Variants in BCAN observed in about 807,000 individuals in gnomAD.
BCAN encodes brevican core protein.
A neutral mutation model predicts 92.4 loss-of-function variants in BCAN; 51 were observed. The observed-to-expected ratio is 0.55, with a 90% CI of 0.44 to 0.70. The LOEUF (loss-of-function observed/expected upper bound fraction) is 0.70, where lower values mean the gene tolerates loss of function less well. Among genes scored for constraint, BCAN ranks in the 30% least tolerant of loss-of-function variants. The pLI, the probability that BCAN is intolerant of heterozygous loss-of-function variation, is 0.00. For missense variants in BCAN, 1,140 were observed against 1,212.1 expected (o/e 0.94, Z 0.88); for synonymous variants, 501 against 505.2 (o/e 0.99, Z 0.11).
chr1:156,657,647 C>T (rs749596852), intron 10 of BCAN, 28 bp from the exon 11 acceptor site: 4 of 1,580,638 alleles, frequency 2.5e-6, no homozygotes, highest in Middle Eastern at 1.7e-4. Flanking sequence ...CTGGCGGCTG[C>T]GCTCACTGCA....
At position 156,651,663 on chromosome 1, in the gene BCAN, C is replaced by A. The variant is rs532039779; in HGVS notation, c.1271C>A (p.Pro424Gln). The A allele has an allele frequency of 2.9e-5, 47 of 1,613,220 alleles. No individual in the cohort carries two copies. In the South Asian group the frequency reaches 4.5e-4, roughly 15 times the overall value. Residue 424 changes from proline to glutamine, a missense_variant, in exon 7 of 14, where the codon CCA becomes CAA. Physicochemically the swap from Pro to Gln is moderately conservative, Grantham distance 76. This residue lies in a region of BCAN where 825 missense variants were observed against 871.8 expected (regional missense o/e 0.95). Coordinates refer to ENST00000329117, the MANE Select transcript of BCAN (RefSeq NM_021948.5). ...GGTGGAAGCTCCACTCCAGAAGACC[C>A]AGCAGAGGCCCCTAGGACGCTCCTA... ...GGGGSSTPED[P>Q]AEAPRTLLEF...
rs774069703 is a variant in BCAN, at chr1:156,646,997, G to T, written c.288G>T (p.Val96=). Residue 96 remains valine (V), a synonymous_variant, in exon 3 of 14, where the codon GTG becomes GTT. Transcript: ENST00000329117. ...CAGAGGTGCTGGTGGCGCGGGGAGT[G>T]CGCGTCAAGGTGAACGAGGCCTACC... ...REAEVLVARG[V]RVKVNEAYRF... 6 of 1,613,024 alleles carry T rather than the reference G, an allele frequency of 3.7e-6. No individual in the cohort carries two copies. In the African/African-American group the frequency reaches 8.0e-5, roughly 21 times the overall value.
In BCAN at chr1:156,648,002, C is replaced by T. The variant is rs746533772; in HGVS notation, c.661C>T (p.Arg221Ter). The change falls in exon 5 of 14, where the codon CGA becomes TGA. Residue 221 changes from arginine to a stop codon, truncating the protein, a stop_gained. Coordinates refer to ENST00000329117, the MANE Select transcript of BCAN (RefSeq NM_021948.5). LOFTEE classifies it high-confidence loss of function. ...CCCTAGGTATCCCATCCAGACCCCA[C>T]GAGAGGCCTGTTACGGAGACATGGA... ...QTVRYPIQTPREACYGDMDGF... is the reference protein window; with the variant it reads ...QTVRYPIQTP The T allele has an allele frequency of 3.7e-6, 6 of 1,613,834 alleles. No homozygotes were observed. Among genetic ancestry groups the T allele is most frequent in the South Asian group, 1.1e-5 (1 of 91,084 alleles).
chr1:156,657,564 T>TG, intron 10 of BCAN, 111 bp from the exon 11 acceptor site: 6 of 803,100 alleles, frequency 7.5e-6, no homozygotes, highest in Non-Finnish European at 1.2e-5. Flanking sequence ...CAAGGGCGGG[T>TG]GCTGGATCGC....
rs1679021818 is a variant in BCAN at position 156,647,443 on chromosome 1, G to A, written c.467-65G>A. 3 of 1,447,138 alleles carry A rather than the reference G, an allele frequency of 2.1e-6. No individual in the cohort carries two copies. Among genetic ancestry groups the A allele is most frequent in the African/African-American group, 2.8e-5 (2 of 70,294 alleles). The allele number at this position is 1,447,138 out of a possible 1,614,324, so 89.6% of individuals were successfully genotyped here. On this transcript the variant is annotated intron_variant, in intron 3 of 13. Transcript: ENST00000329117. This position sits in a 1 kb window ranked among gnomAD's most constrained non-coding sequence, Gnocchi z 4.8. The stretch of plus-strand genomic sequence containing the variant: ...ACCCTTGTGTACAGAGGAGTGACAA[G>A]GAGGGTGAGGGGAGGCCAGCGTGCT...
chr1:156,643,116 C>G (rs1678844600), intron 1 of BCAN: 1 of 152,162 alleles, frequency 6.6e-6, no homozygotes, highest in African/African-American at 2.4e-5. Context: ...CAAGGGGCAC[C>G]ATTATTATCT....
chr1:156,648,116 TA>T lies in BCAN; in HGVS notation c.769+7del. 1 of 1,610,328 alleles carries T rather than the reference TA, an allele frequency of 6.2e-7. No homozygotes were observed. On this transcript the variant is annotated splice_region_variant and intron_variant, in intron 5 of 13. Coordinates refer to ENST00000329117, the MANE Select transcript of BCAN (RefSeq NM_021948.5). ...TTATGCTGAAGACCTAAATGGTGAT[TA>T]GGAGTGAGAGGTTCCCAGGGGACAA... is the stretch of plus-strand genomic sequence containing the variant.
chr1:156,655,952 C>T (rs1679308575), intron 8 of BCAN, among the ~76,000 whole-genome samples: 3 of 152,178 alleles, frequency 2.0e-5, no homozygotes, highest in African/African-American at 7.2e-5. Flanking sequence ...ACTTTCTGTG[C>T]CCAGTATCTT....
In BCAN at chr1:156,652,871, G is replaced by A. The variant is rs763038086; in HGVS notation, c.1921G>A (p.Val641Met). 1 of 1,613,768 alleles carries A rather than the reference G, an allele frequency of 6.2e-7. No homozygotes were observed. The highest frequency in any genetic ancestry group is 8.5e-7 in the Non-Finnish European group (1 of 1,180,012). The change falls in exon 8 of 14, where the codon GTG becomes ATG. Residue 641 changes from valine to methionine, a missense_variant. Physicochemically the swap from Val to Met is conservative, Grantham distance 21. Coordinates refer to ENST00000329117, the MANE Select transcript of BCAN (RefSeq NM_021948.5). ...CACTGACAGCGCCAGCCGAGGTGGA[G>A]TGGCCGTGGTCCCCGCATCAGGTAA... ...LPTDSASRGGVAVVPASGDCV... is the reference protein window; with the variant it reads ...LPTDSASRGGMAVVPASGDCV...
intron 8 of BCAN, 131 bp from the exon 9 acceptor site, chr1:156,656,151 T>G: frequency 3.9e-6 from 2 of 508,920 alleles, no homozygotes; most frequent in South Asian, 5.1e-5. Context: ...GGGAGAACTT[T>G]TAGGGTGCTG....
intron 8 of BCAN, among the ~76,000 whole-genome samples, chr1:156,653,993 G>A (rs1319366432): frequency 1.3e-5 from 2 of 152,098 alleles, no homozygotes; most frequent in Non-Finnish European, 2.9e-5. Context: ...TCAGCAGGGG[G>A]TGGTATCTAA....
chr1:156,643,635 C>CACACACACAG (rs549293956), intron 1 of BCAN: 1 of 103,782 alleles, frequency 9.6e-6, no homozygotes, highest in African/African-American at 3.5e-5. Context: ...CACACACACA[C>CACACACACAG]AGAGAGAGAG....
rs1245029188 is a variant in BCAN, at chr1:156,642,284, C to T, written c.-9+9C>T. 6.6e-6 allele frequency: 1 copy of T among 152,424 alleles called. No individual in the cohort carries two copies. The highest frequency in any genetic ancestry group is 1.5e-5 in the Non-Finnish European group (1 of 68,224). The allele number at this position is 152,424 out of a possible 1,614,324, so 9.4% of individuals were successfully genotyped here. A position where few individuals can be genotyped will look rare whatever the true frequency, so the allele number is the denominator to read the frequency against. The stretch of plus-strand genomic sequence containing the variant: ...ACCCCAGCCCTGGGTAGGTGAGTGC[C>T]TCCGCAGCCCCGCCGCCCGCCGTGG... On this transcript the variant is annotated intron_variant, in intron 1 of 13. Transcript: ENST00000329117. The surrounding 1 kb of genome is among the most constrained non-coding windows in gnomAD (Gnocchi z 4.2).
intron 6 of BCAN, among the ~76,000 whole-genome samples, chr1:156,650,741 G>C (rs1378796676): frequency 6.6e-6 from 1 of 152,102 alleles, no homozygotes; most frequent in African/African-American, 2.4e-5. Context: ...CCAGGAGTTC[G>C]AGATCAGCCT....
chr1:156,658,496 T>C lies in BCAN; in HGVS notation c.2438-47T>C. ...TCTTCCCCATGGAGATTCTGGGAAC[T>C]GTCACCCACAGAGCCAGGCTCAGTT... On this transcript the variant is annotated intron_variant, in intron 12 of 13. Coordinates refer to ENST00000329117, the MANE Select transcript of BCAN (RefSeq NM_021948.5). This position sits in a 1 kb window ranked among gnomAD's most constrained non-coding sequence, Gnocchi z 4.4. 1 of 1,580,578 alleles carries C rather than the reference T, an allele frequency of 6.3e-7. No individual in the cohort carries two copies. Among genetic ancestry groups the C allele is most frequent in the Non-Finnish European group, 8.6e-7 (1 of 1,159,386 alleles).
In BCAN at chr1:156,648,037, C is replaced by T. The variant is rs781014325; in HGVS notation, c.696C>T (p.Pro232=). 1.3e-4 allele frequency: 203 copies of T among 1,613,876 alleles called. No homozygotes were observed. The highest frequency in any genetic ancestry group is 1.6e-4 in the Non-Finnish European group (189 of 1,179,966). The change falls in exon 5 of 14, where the codon CCC becomes CCT. Residue 232 remains proline, a synonymous_variant. Coordinates refer to ENST00000329117, the MANE Select transcript of BCAN (RefSeq NM_021948.5). ...GTTACGGAGACATGGATGGCTTCCC[C>T]GGGGTCCGGAACTATGGTGTGGTGG... ...EACYGDMDGF[P]GVRNYGVVDP...
At position 156,646,047 on chromosome 1, in the gene BCAN, C is replaced by T; in HGVS notation, c.-8C>T. The stretch of plus-strand genomic sequence containing the variant: ...TTTCCTTCTCATGTCCCTCTGTCAG[C>T]CTGCAGCATGGCCCAGCTGTTCCTG... On this transcript the variant is annotated splice_region_variant and 5_prime_UTR_variant, in exon 2 of 14. Transcript: ENST00000329117. 2 of 1,610,060 alleles carry T rather than the reference C, an allele frequency of 1.2e-6. No homozygotes were observed. The highest frequency in any genetic ancestry group is 2.2e-5 in the East Asian group (1 of 44,702).
intron 1 of BCAN, 52 bp from the exon 2 acceptor site, chr1:156,645,995 A>G: frequency 6.7e-7 from 1 of 1,494,502 alleles, no homozygotes. Flanking sequence ...AGCAGGGGGG[A>G]AGTCCATCCT....
chr1:156,653,057 G>A (rs907484817), intron 8 of BCAN, 165 bp downstream of exon 8: 29 of 1,488,560 alleles, frequency 1.9e-5, no homozygotes, highest in Admixed American at 4.7e-5. Flanking sequence ...CTCCAATCTC[G>A]GATATCCACC....
Sources: allele counts gnomAD v4.1 joint callset (sites outside exome capture counted in the v4.1 genomes callset), GRCh38; gene constraint gnomAD v4.1.1; regional missense constraint gnomAD v4.1.1; non-coding constraint Gnocchi (gnomAD v3.1); transcripts MANE v1.5; gene names NCBI Gene and HGNC (gene_info 2026-07-23, HGNC 2026-07-21).